Variants in OPN4 observed in about 807,000 individuals in gnomAD.
OPN4 encodes melanopsin.
Under a neutral mutation model 49.5 loss-of-function variants are expected in OPN4, and 43 were observed. That is an observed-to-expected ratio of 0.87 (90% confidence interval 0.68 to 1.12). The LOEUF (loss-of-function observed/expected upper bound fraction) is 1.12, where lower values mean the gene tolerates loss of function less well. Ranked by LOEUF, OPN4 falls within the 50% of genes most tolerant of loss-of-function variation. OPN4 has a pLI of 0.00. For synonymous variants in OPN4, 263 were observed against 258.0 expected (o/e 1.02, Z -0.19); for missense variants, 657 against 643.9 (o/e 1.02, Z -0.22).
intron 4 of OPN4, 146 bp from the exon 5 acceptor site, chr10:86,659,151 C>A: frequency 1.6e-6 from 1 of 632,462 alleles, no homozygotes. Flanking sequence ...ATCCCAGTTC[C>A]CTCCAGCTTC....
chr10:86,655,453 T>C (rs34006007), intron 1 of OPN4, among the ~76,000 whole-genome samples: 126 of 152,298 alleles, frequency 8.3e-4, no homozygotes, highest in African/African-American at 2.8e-3. Flanking sequence ...CCGGTAGCTA[T>C]AGGGGCCACT....
chr10:86,656,582 AC>A (rs1311814320), intron 2 of OPN4, among the ~76,000 whole-genome samples: 1 of 152,006 alleles, frequency 6.6e-6, no homozygotes, highest in African/African-American at 2.4e-5. Flanking sequence ...TGGGTCTCTG[AC>A]CATTCTGCCC....
chr10:86,657,256 A>C, intron 2 of OPN4: 2 of 779,528 alleles, frequency 2.6e-6, no homozygotes, highest in Non-Finnish European at 4.8e-6. Flanking sequence ...GTTGCCCCAC[A>C]GATGAGCCAC....
intron 8 of OPN4, 129 bp downstream of exon 8, chr10:86,662,561 C>A: frequency 1.1e-6 from 1 of 875,888 alleles, no homozygotes; most frequent in Non-Finnish European, 1.7e-6. Context: ...GACGCTGGCA[C>A]CCTGGCAGGA....
chr10:86,664,882 C>T lies in OPN4; in HGVS notation c.1399-831C>T, dbSNP rs962952563. On this transcript the variant is annotated intron_variant, in intron 9 of 9. Coordinates refer to ENST00000241891, the MANE Select transcript of OPN4 (RefSeq NM_033282.4). ...AGTGCCTGTCTTGGAGGGATAGGCT[C>T]AGGGGGGTTGCTGGGCAGCCATCAA... Among the ~76,000 whole-genome samples the T allele has an allele frequency of 2.0e-5, 3 of 152,182 alleles. No individual in the cohort carries two copies. The South Asian group carries it at 6.2e-4, about 32-fold the overall frequency.
At chr10:86,662,651 TG>T (rs1453208619) in intron 8 of OPN4, among the ~76,000 whole-genome samples, 1 of 152,196 alleles carries the variant, frequency 6.6e-6, no homozygotes, top group Non-Finnish European at 1.5e-5. Flanking sequence ...GGGGATGGTT[TG>T]GGGGTTCCCA....
rs890137044 is a variant in OPN4, at chr10:86,656,706, A to G, written c.290+406A>G. Reference sequence around the variant, plus strand: ...CCGCCTGTAATCCCAGCACTTTGGGAGGCCAAGGCGAGCAGATCACCTGAG... The same window carrying G: ...CCGCCTGTAATCCCAGCACTTTGGGGGGCCAAGGCGAGCAGATCACCTGAG... On this transcript the variant is annotated intron_variant, in intron 2 of 9. Coordinates refer to ENST00000241891, the MANE Select transcript of OPN4 (RefSeq NM_033282.4). 1.9e-4 allele frequency among the ~76,000 whole-genome samples: 29 copies of G among 152,214 alleles called. 1 individual carries two copies. Among genetic ancestry groups the G allele is most frequent in the African/African-American group, 6.0e-4 (25 of 41,528 alleles).
intron 7 of OPN4, among the ~76,000 whole-genome samples, 195 bp downstream of exon 7, chr10:86,661,583 C>T (rs538428382): frequency 3.3e-5 from 5 of 152,222 alleles, no homozygotes; most frequent in Non-Finnish European, 7.4e-5. Context: ...CCAGGGGTCA[C>T]GGTGTGGAGG....
chr10:86,656,010 T>C, intron 1 of OPN4, 145 bp from the exon 2 acceptor site: 1 of 1,008,752 alleles, frequency 9.9e-7, no homozygotes, highest in South Asian at 1.5e-5. Context: ...TTTGGCCACT[T>C]GTGAGCTGTG....
rs562338353 is a variant in OPN4, at chr10:86,662,499, G to A, written c.1254+67G>A. 4.0e-5 allele frequency: 59 copies of A among 1,465,096 alleles called. 1 individual carries two copies. In the East Asian group the frequency reaches 1.4e-3, roughly 36 times the overall value. The allele number at this position is 1,465,096 out of a possible 1,614,324, so 90.8% of individuals were successfully genotyped here. On this transcript the variant is annotated intron_variant, in intron 8 of 9. Coordinates refer to ENST00000241891, the MANE Select transcript of OPN4 (RefSeq NM_033282.4). Reference sequence around the variant, plus strand: ...CTTCCTCAGGCAGCCCTGGGGCTCTGGGGAATACATAGGCCCTGGCAGGGC... The same window carrying A: ...CTTCCTCAGGCAGCCCTGGGGCTCTAGGGAATACATAGGCCCTGGCAGGGC...
At position 86,658,200 on chromosome 10, in the gene OPN4, A is replaced by G. The variant is rs1180407011; in HGVS notation, c.424+35A>G. On this transcript the variant is annotated intron_variant, in intron 3 of 9. Transcript: ENST00000241891. ...GGGGCTCCCTTTTGCTGGAGGGAGG[A>G]GGAGGGTTTTGACCTGGGGATGCCC... is the stretch of plus-strand genomic sequence containing the variant. 5.0e-6 allele frequency: 8 copies of G among 1,608,954 alleles called. No homozygotes were observed. In the South Asian group the frequency reaches 6.7e-5, roughly 13 times the overall value.
chr10:86,662,264 C>G lies in OPN4; in HGVS notation c.1086C>G (p.Ala362=). 6.2e-7 allele frequency: 1 copy of G among 1,609,566 alleles called. No homozygotes were observed. The highest frequency in any genetic ancestry group is 8.5e-7 in the Non-Finnish European group (1 of 1,179,498). ...ITHPKYRVAI[A]QHLPCLGVLL... is the part of the protein sequence containing the mutation. ...GCGGCCCCTGCAGGGTGGCCATTGC[C>G]CAGCACCTGCCCTGCCTGGGGGTGC... is the stretch of plus-strand genomic sequence containing the variant. The change falls in exon 8 of 10, where the codon GCC becomes GCG. Residue 362 remains alanine, a synonymous_variant. Coordinates refer to ENST00000241891, the MANE Select transcript of OPN4 (RefSeq NM_033282.4).
rs774803027 is a variant in OPN4, at chr10:86,660,001, C to A, written c.907C>A (p.Leu303Ile). The A allele has an allele frequency of 1.2e-6, 2 of 1,614,228 alleles. No individual in the cohort carries two copies. The highest frequency in any genetic ancestry group is 2.2e-5 in the South Asian group (2 of 91,086). Residue 303 changes from leucine to isoleucine, a missense_variant, in exon 6 of 10, where the codon CTC becomes ATC. Coordinates refer to ENST00000241891, the MANE Select transcript of OPN4 (RefSeq NM_033282.4). Reference sequence around the variant, plus strand: ...GGCCAAGATCATGCTGCTGGTCATCCTCCTCTTCGTGCTCTCCTGGGCTCC... The same window carrying A: ...GGCCAAGATCATGCTGCTGGTCATCATCCTCTTCGTGCTCTCCTGGGCTCC... ...KMAKIMLLVI[L>I]LFVLSWAPYS...
At chr10:86,664,632 C>T (rs1038500978) in intron 9 of OPN4, among the ~76,000 whole-genome samples, 11 of 152,178 alleles carry the variant, frequency 7.2e-5, no homozygotes, top group African/African-American at 2.4e-4. Context: ...AGTCCAAGGC[C>T]AAAGGCACAT....
In OPN4 at chr10:86,658,004, G is replaced by A. The variant is rs182222074; in HGVS notation, c.291-28G>A. The A allele has an allele frequency of 5.9e-5, 95 of 1,604,790 alleles. No individual in the cohort carries two copies. The Middle Eastern group carries it at 6.7e-4, about 11-fold the overall frequency. On this transcript the variant is annotated intron_variant, in intron 2 of 9. Coordinates refer to ENST00000241891, the MANE Select transcript of OPN4 (RefSeq NM_033282.4). ...CATAGCTCTGGAGGTGTCAGGAAGC[G>A]CCTCCTAACAGCTTCTGATCCTCCC...
At chr10:86,656,371 G>T (rs1236059676) in intron 2 of OPN4, 71 bp downstream of exon 2, 9 of 1,519,972 alleles carry the variant, frequency 5.9e-6, no homozygotes, top group Non-Finnish European at 8.0e-6. Flanking sequence ...GAAAATGCAG[G>T]CAGGAATGTT....
chr10:86,665,023 C>T (rs1008260110), intron 9 of OPN4, among the ~76,000 whole-genome samples: 1 of 152,178 alleles, frequency 6.6e-6, no homozygotes, highest in Non-Finnish European at 1.5e-5. Flanking sequence ...CAGGGATCTG[C>T]AGGCAGCAGG....
At chr10:86,662,527 C>A in intron 8 of OPN4, 95 bp downstream of exon 8, 1 of 1,236,902 alleles carries the variant, frequency 8.1e-7, no homozygotes, top group South Asian at 1.5e-5. Context: ...GGCAGGGCTG[C>A]CTCTGAGACT....
intron 6 of OPN4, among the ~76,000 whole-genome samples, chr10:86,660,924 C>T (rs995836967): frequency 6.6e-6 from 1 of 152,104 alleles, no homozygotes; most frequent in Non-Finnish European, 1.5e-5. Context: ...GTCAGGAGTT[C>T]GAGATTAGCC....
Sources: gnomAD v4.1 joint callset for allele counts (sites outside exome capture counted in the v4.1 genomes callset) on GRCh38, gnomAD v4.1.1 for gene constraint, MANE v1.5 for transcripts, NCBI Gene and HGNC (gene_info 2026-07-23, HGNC 2026-07-21) for gene names.